ITGA1: variants seen among roughly 807,000 people sequenced by gnomAD.
ITGA1 encodes integrin alpha-1.
Under a neutral mutation model 145.9 loss-of-function variants are expected in ITGA1, and 85 were observed. The ratio of observed to expected loss-of-function variants is 0.58; its 90% CI spans 0.49 to 0.70. The LOEUF is 0.70. Among genes scored for constraint, ITGA1 ranks in the 30% least tolerant of loss-of-function variants. The pLI is 0.00. For synonymous variants in ITGA1, 520 were observed against 495.3 expected (o/e 1.05, Z -0.66); for missense variants, 1,351 against 1,418.7 (o/e 0.95, Z 0.77).
In ITGA1 at chr5:52,958,656, G is replaced by A. The variant is rs1240530324; in HGVS notation, c.*6205G>A. 2 of 152,164 alleles carry A rather than the reference G, an allele frequency of 1.3e-5. No individual in the cohort carries two copies. Among genetic ancestry groups the A allele is most frequent in the African/African-American group, 4.8e-5 (2 of 41,454 alleles). 9.4% of individuals were successfully genotyped at this position (152,164 alleles called of 1,614,324 possible). On this transcript the variant is annotated 3_prime_UTR_variant, in exon 29 of 29. Transcript: ENST00000282588. ...ATGGTATACTGCGTATTACTACTGTGAGACTGTAAAATTGTTAATGGACAG... is the reference window on the plus strand; with the variant it reads ...ATGGTATACTGCGTATTACTACTGTAAGACTGTAAAATTGTTAATGGACAG...
intron 1 of ITGA1, chr5:52,801,038 A>C: frequency 6.2e-7 from 1 of 1,614,020 alleles, no homozygotes; most frequent in East Asian, 2.2e-5. Context: ...TTTGTGAGGG[A>C]GCAGTTCTGC....
In ITGA1 at chr5:52,827,089, C is replaced by CT. The variant is rs201041439; in HGVS notation, c.62-22256dup. 4.2e-3 allele frequency among the ~76,000 whole-genome samples: 566 copies of CT among 134,818 alleles called. 3 individuals carry two copies. The highest frequency in any genetic ancestry group is 9.0e-3 in the South Asian group (39 of 4,320). The allele number at this position is 134,818 out of a possible 152,430, so 88.4% of individuals were successfully genotyped here. ...TTACCATTATAGATGCCATTAAGAACTTTTTTTTTTTTTTTTTTTTGGTTT... is the reference window on the plus strand; with the variant it reads ...TTACCATTATAGATGCCATTAAGAACTTTTTTTTTTTTTTTTTTTTTGGTTT... On this transcript the variant is annotated intron_variant, in intron 1 of 28. Transcript: ENST00000282588.
rs1373500603 is a variant in ITGA1 at position 52,925,394 on chromosome 5, C to T, written c.2520C>T (p.Asn840=). Residue 840 remains asparagine (N), a synonymous_variant, in exon 19 of 29, where the codon AAC becomes AAT. Transcript: ENST00000282588. ...LIVRSQNDKF[N]VSLTVKNTKD... The stretch of plus-strand genomic sequence containing the variant: ...TCCGATCCCAGAATGATAAGTTCAA[C>T]GTTAGCCTCACAGTCAAAAATACAA... 3.7e-6 allele frequency: 6 copies of T among 1,613,866 alleles called. No homozygotes were observed. The highest frequency in any genetic ancestry group is 4.2e-6 in the Non-Finnish European group (5 of 1,179,842).
rs746034265 is a variant in ITGA1 at position 52,861,427 on chromosome 5, CT to C, written c.183-19del. 6.4e-5 allele frequency: 94 copies of C among 1,465,004 alleles called. No individual in the cohort carries two copies. Among genetic ancestry groups the C allele is most frequent in the Non-Finnish European group, 8.8e-5 (92 of 1,049,946 alleles). The allele number at this position is 1,465,004 out of a possible 1,614,324, so 90.8% of individuals were successfully genotyped here. On this transcript the variant is annotated intron_variant, in intron 2 of 28. Transcript: ENST00000282588. Reference sequence around the variant, plus strand: ...GTTTCTCAATGTTCAAAAATGTTTACTGATTTATTTAACTTCCAGGGTGCTT... The same window carrying C: ...GTTTCTCAATGTTCAAAAATGTTTACGATTTATTTAACTTCCAGGGTGCTT...
intron 1 of ITGA1, among the ~76,000 whole-genome samples, chr5:52,816,598 G>A (rs1748778987): frequency 6.6e-6 from 1 of 152,116 alleles, no homozygotes; most frequent in South Asian, 2.1e-4. Context: ...GTGTGGAATA[G>A]GTCCACCATT....
In ITGA1 at chr5:52,908,862, G is replaced by T. The variant is rs185248416; in HGVS notation, c.1456-36G>T. 19 of 1,604,906 alleles carry T rather than the reference G, an allele frequency of 1.2e-5. No individual in the cohort carries two copies. The African/African-American group carries it at 2.6e-4, about 22-fold the overall frequency. ...TTCAGTTTCCTTGAGAATTTCTGTT[G>T]TTCATTGGGCTGTTTTGTTTCATTT... is the stretch of plus-strand genomic sequence containing the variant. On this transcript the variant is annotated intron_variant, in intron 12 of 28. Transcript: ENST00000282588.
chr5:52,934,666 T>G (rs1250485429), intron 23 of ITGA1, among the ~76,000 whole-genome samples: 1 of 151,848 alleles, frequency 6.6e-6, no homozygotes, highest in African/African-American at 2.4e-5. Flanking sequence ...TGACACAGAC[T>G]CAAGTTAAAA....
intron 19 of ITGA1, among the ~76,000 whole-genome samples, chr5:52,926,081 T>A (rs961599825): frequency 9.2e-5 from 14 of 152,142 alleles, no homozygotes; most frequent in African/African-American, 3.4e-4. Flanking sequence ...TCCCACTGAG[T>A]TAAAATTTTG....
At chr5:52,920,559 T>C (rs1750715994) in intron 17 of ITGA1, 91 bp downstream of exon 17, 1 of 1,057,464 alleles carries the variant, frequency 9.5e-7, no homozygotes, top group Non-Finnish European at 1.3e-6. Flanking sequence ...CTTACTGTTT[T>C]ATTTCAAAAT....
In ITGA1 at chr5:52,908,292, A is replaced by G. The variant is rs1358014712; in HGVS notation, c.1456-606A>G. 2.0e-5 allele frequency among the ~76,000 whole-genome samples: 3 copies of G among 152,332 alleles called. No individual in the cohort carries two copies. In the East Asian group the frequency reaches 5.8e-4, roughly 29 times the overall value. On this transcript the variant is annotated intron_variant, in intron 12 of 28. Transcript: ENST00000282588. The stretch of plus-strand genomic sequence containing the variant: ...GAAAAAATTAAGCATTTAGGTAATG[A>G]AGTATAAGTTCTCTGCTTTTCTCTA...
intron 24 of ITGA1, among the ~76,000 whole-genome samples, chr5:52,939,307 G>A (rs189556110): frequency 1.3e-4 from 19 of 151,946 alleles, no homozygotes; most frequent in East Asian, 7.8e-4. Context: ...TATTAATCAC[G>A]TAATAGTAAG....
chr5:52,824,172 T>C (rs568587005), intron 1 of ITGA1: 2 of 152,250 alleles, frequency 1.3e-5, no homozygotes, highest in African/African-American at 2.4e-5. Context: ...GAATTAAATA[T>C]GGAAAATGCA....
At chr5:52,947,205 C>A in intron 27 of ITGA1, 140 bp from the exon 28 acceptor site, 1 of 567,046 alleles carries the variant, frequency 1.8e-6, no homozygotes, top group East Asian at 3.0e-5. Flanking sequence ...AGAGCATTTT[C>A]TAATGTAAAT....
intron 6 of ITGA1, among the ~76,000 whole-genome samples, chr5:52,868,892 C>T (rs1749732001): frequency 6.6e-6 from 1 of 152,148 alleles, no homozygotes; most frequent in Non-Finnish European, 1.5e-5. Flanking sequence ...CATATACATT[C>T]ATTCATTTAT....
intron 1 of ITGA1, among the ~76,000 whole-genome samples, chr5:52,817,340 C>T (rs762478506): frequency 2.0e-5 from 3 of 152,048 alleles, no homozygotes; most frequent in Non-Finnish European, 4.4e-5. Context: ...CCATTGTGAG[C>T]CTCATTTATA....
chr5:52,801,897 T>A, intron 1 of ITGA1: 1 of 1,314,178 alleles, frequency 7.6e-7, no homozygotes, highest in Non-Finnish European at 1.0e-6. Flanking sequence ...ACAGTACATT[T>A]CTCAGCATCC....
At chr5:52,872,408 G>A (rs1464828926) in intron 6 of ITGA1, among the ~76,000 whole-genome samples, 2 of 151,752 alleles carry the variant, frequency 1.3e-5, no homozygotes, top group Admixed American at 6.6e-5. Flanking sequence ...TAATCATTCC[G>A]AAGTGAGTTC....
chr5:52,937,315 A>G (rs1467902647), intron 23 of ITGA1, 86 bp from the exon 24 acceptor site: 5 of 840,936 alleles, frequency 5.9e-6, no homozygotes, highest in East Asian at 4.8e-5. Flanking sequence ...AATTTACTTC[A>G]TCAGCTAGAA....
At chr5:52,848,905 A>G (rs556294015) in intron 1 of ITGA1, among the ~76,000 whole-genome samples, 1 of 152,126 alleles carries the variant, frequency 6.6e-6, no homozygotes, top group East Asian at 1.9e-4. Context: ...AAGGACATGA[A>G]CTCATCCTTT....
Sources: allele counts gnomAD v4.1 joint callset (sites outside exome capture counted in the v4.1 genomes callset), GRCh38; gene constraint gnomAD v4.1.1; transcripts MANE v1.5; gene names NCBI Gene and HGNC (gene_info 2026-07-23, HGNC 2026-07-21).